LINGO2: variants seen among roughly 807,000 people sequenced by gnomAD.
The protein encoded by LINGO2 is leucine-rich repeat and immunoglobulin-like domain-containing nogo receptor-interacting protein 2.
In LINGO2, 14 loss-of-function variants were observed where a neutral mutation model predicts 30.6. That is an observed-to-expected ratio of 0.46 (90% confidence interval 0.30 to 0.72). The LOEUF (loss-of-function observed/expected upper bound fraction) is 0.72, where lower values mean the gene tolerates loss of function less well. Ranked by LOEUF, LINGO2 falls within the 30% of genes least tolerant of loss-of-function variation. LINGO2 has a pLI of 0.07. For missense variants in LINGO2, 729 were observed against 751.7 expected (o/e 0.97, Z 0.35); for synonymous variants, 317 against 288.5 (o/e 1.10, Z -1.00).
intron 5 of LINGO2, among the ~76,000 whole-genome samples, chr9:27,999,448 G>C (rs1185319247): frequency 6.8e-6 from 1 of 146,994 alleles, no homozygotes; most frequent in African/African-American, 2.7e-5. Flanking sequence ...GAGAGAGAGA[G>C]AGAGAGAGAG....
the LINGO2 span, among the ~76,000 whole-genome samples, chr9:28,977,830 T>C: frequency 3.9e-5 from 6 of 152,132 alleles, no homozygotes; most frequent in Admixed American, 2.0e-4. Context: ...GAGCTGAACC[T>C]CATGCTAGGT....
intron 3 of LINGO2, among the ~76,000 whole-genome samples, chr9:28,357,325 C>T (rs1024643379): frequency 9.6e-5 from 14 of 146,182 alleles, no homozygotes; most frequent in Non-Finnish European, 4.5e-5. Context: ...GCCCACCCCC[C>T]CCAAAAAAGA....
chr9:27,942,210 A>T, the LINGO2 span: 1 of 152,060 alleles, frequency 6.6e-6, no homozygotes, highest in Non-Finnish European at 1.5e-5. Flanking sequence ...AGTTATCTCC[A>T]CTCACCTTAG....
the LINGO2 span, among the ~76,000 whole-genome samples, chr9:28,909,148 G>T: frequency 6.6e-6 from 1 of 151,966 alleles, no homozygotes; most frequent in East Asian, 1.9e-4. Context: ...ACCCGATTAT[G>T]CAACTCTCTT....
chr9:28,661,145 A>AATATATATAT lies in LINGO2; in HGVS notation c.-365+9045_-365+9054dup, dbSNP rs372827051. On this transcript the variant is annotated intron_variant, in intron 1 of 5. Transcript: ENST00000379992. ...TGCTTTGACCAATAAGATGCAGAAAAATATATATATATATATGCTGGGTCA... is the reference window on the plus strand; with the variant it reads ...TGCTTTGACCAATAAGATGCAGAAAAATATATATATATATATATATATATATGCTGGGTCA... 1.2e-3 allele frequency among the ~76,000 whole-genome samples: 177 copies of AATATATATAT among 150,158 alleles called. 1 individual carries two copies. The highest frequency in any genetic ancestry group is 4.2e-3 in the African/African-American group (172 of 41,064).
intron 2 of LINGO2, among the ~76,000 whole-genome samples, chr9:28,437,412 C>G (rs963541618): frequency 6.6e-6 from 1 of 152,048 alleles, no homozygotes; most frequent in African/African-American, 2.4e-5. Context: ...CACAATTGGC[C>G]GCAGACATGT....
intron 4 of LINGO2, among the ~76,000 whole-genome samples, chr9:28,093,556 A>T (rs1395902481): frequency 6.6e-6 from 1 of 152,074 alleles, no homozygotes; most frequent in Non-Finnish European, 1.5e-5. Flanking sequence ...CACTTTTGCC[A>T]AAACTTTTAA....
chr9:28,888,008 T>C, the LINGO2 span, among the ~76,000 whole-genome samples: 87 of 152,068 alleles, frequency 5.7e-4, no homozygotes, highest in Non-Finnish European at 9.6e-4. Context: ...GAAGATAACA[T>C]TTTGAGGAAT....
intron 1 of LINGO2, among the ~76,000 whole-genome samples, chr9:28,666,659 G>C (rs1588046990): frequency 6.6e-6 from 1 of 152,108 alleles, no homozygotes; most frequent in Non-Finnish European, 1.5e-5. Context: ...CATGTGGTGA[G>C]CAGTACTTTT....
chr9:28,783,368 C>T, the LINGO2 span, among the ~76,000 whole-genome samples: 2 of 151,860 alleles, frequency 1.3e-5, no homozygotes, highest in Non-Finnish European at 2.9e-5. Flanking sequence ...AATATAAATG[C>T]TGTGTAAATA....
At chr9:28,682,566 G>C in the LINGO2 span, among the ~76,000 whole-genome samples, 1 of 151,888 alleles carries the variant, frequency 6.6e-6, no homozygotes, top group East Asian at 1.9e-4. Flanking sequence ...CATTTTGCCA[G>C]GTACTTTTAT....
At chr9:28,102,527 T>C (rs1826448000) in intron 4 of LINGO2, among the ~76,000 whole-genome samples, 1 of 152,102 alleles carries the variant, frequency 6.6e-6, no homozygotes, top group South Asian at 2.1e-4. Context: ...ATTTTAAATA[T>C]GCTGTATGTG....
chr9:28,714,202 C>CAT, the LINGO2 span, among the ~76,000 whole-genome samples: 5 of 129,626 alleles, frequency 3.9e-5, no homozygotes, highest in South Asian at 9.8e-4. Context: ...CACATACACA[C>CAT]ACACACATAC....
chr9:29,087,612 T>C, the LINGO2 span, among the ~76,000 whole-genome samples: 2 of 152,160 alleles, frequency 1.3e-5, no homozygotes, highest in South Asian at 2.1e-4. Context: ...TAGACCTCTA[T>C]ACCAAATGTC....
rs143652880 is a variant in LINGO2, at chr9:28,329,614, C to A, written c.-245-34248G>T. Among the ~76,000 whole-genome samples the A allele has an allele frequency of 6.0e-3, 910 of 152,222 alleles. 17 individuals carry two copies. The highest frequency in any genetic ancestry group is 0.02 in the African/African-American group (850 of 41,536). On this transcript the variant is annotated intron_variant, in intron 3 of 5. Transcript: ENST00000379992. This position sits in a 1 kb window ranked among gnomAD's most constrained non-coding sequence, Gnocchi z 4.5. ...TACACAAAAATTCTTTATATAATTG[C>A]ACTTGCTATTCTCTCTGCCTGGAAT...
intron 2 of LINGO2, among the ~76,000 whole-genome samples, chr9:28,430,175 G>T (rs2026372): frequency 0.3 from 45,614 of 151,772 alleles, 7,849 homozygotes; most frequent in Non-Finnish European, 0.38. Context: ...TTCAATGATT[G>T]TTGATTGATG....
At chr9:28,022,192 C>G (rs1488703672) in intron 4 of LINGO2, among the ~76,000 whole-genome samples, 2 of 151,734 alleles carry the variant, frequency 1.3e-5, no homozygotes, top group Non-Finnish European at 2.9e-5. Context: ...TTTCAAATAC[C>G]ACTATATTGC....
intron 1 of LINGO2, among the ~76,000 whole-genome samples, chr9:28,596,872 A>G (rs1409253647): frequency 6.6e-6 from 1 of 152,144 alleles, no homozygotes; most frequent in African/African-American, 2.4e-5. Flanking sequence ...AAGGGGACTG[A>G]GCATGCCTGT....
chr9:29,196,138 T>C, the LINGO2 span, among the ~76,000 whole-genome samples: 1 of 152,242 alleles, frequency 6.6e-6, no homozygotes, highest in South Asian at 2.1e-4. Flanking sequence ...ATTAAGTTAT[T>C]AAATTGGACC....
Sources: allele counts gnomAD v4.1 joint callset (sites outside exome capture counted in the v4.1 genomes callset), GRCh38; gene constraint gnomAD v4.1.1; non-coding constraint Gnocchi (gnomAD v3.1); transcripts MANE v1.5; gene names NCBI Gene and HGNC (gene_info 2026-07-23, HGNC 2026-07-21).